Variants in WDR59 observed in about 807,000 individuals in gnomAD.
WDR59 encodes WD repeat domain 59.
A neutral mutation model predicts 131.2 loss-of-function variants in WDR59; 100 were observed. The observed-to-expected ratio is 0.76, with a 90% CI of 0.65 to 0.90. The LOEUF is 0.90. WDR59 is among the 40% of genes least tolerant of loss of function. WDR59 has a pLI of 0.00. For synonymous variants in WDR59, 601 were observed against 466.2 expected (o/e 1.29, Z -3.72); for missense variants, 1,203 against 1,262.2 (o/e 0.95, Z 0.71).
chr16:74,908,673 G>T, intron 17 of WDR59: 1 of 399,670 alleles, frequency 2.5e-6, no homozygotes, highest in Non-Finnish European at 4.4e-6. Flanking sequence ...GCCTTGTTTT[G>T]ACAATAGCTT....
intron 7 of WDR59, among the ~76,000 whole-genome samples, chr16:74,939,530 C>A (rs2032060797): frequency 6.6e-6 from 1 of 150,566 alleles, no homozygotes; most frequent in South Asian, 2.1e-4. Context: ...GTACACAGTA[C>A]GACAAACTAA....
chr16:74,908,818 G>A, intron 17 of WDR59, 90 bp downstream of exon 17: 2 of 1,065,100 alleles, frequency 1.9e-6, no homozygotes, highest in East Asian at 2.4e-5. Context: ...GAAATGCACT[G>A]TCCAAAAGCA....
chr16:74,926,622 A>G (rs947722493), intron 8 of WDR59, among the ~76,000 whole-genome samples: 1 of 152,202 alleles, frequency 6.6e-6, no homozygotes, highest in African/African-American at 2.4e-5. Flanking sequence ...GAGACTTAAT[A>G]AAGTATAGGG....
chr16:74,907,860 A>G (rs1414455510), intron 17 of WDR59, among the ~76,000 whole-genome samples: 1 of 152,206 alleles, frequency 6.6e-6, no homozygotes, highest in Non-Finnish European at 1.5e-5. Context: ...GGTAAGTGCT[A>G]TGATGATCCC....
rs1315493069 is a variant in WDR59 at position 74,984,148 on chromosome 16, G to A, written c.54+816C>T. On this transcript the variant is annotated intron_variant, in intron 1 of 25. Transcript: ENST00000262144. ...AAAAATTAGCCGGGCGTGGTGGTGC[G>A]CACCTGTAATCCCAGCTACTTGGGA... Among the ~76,000 whole-genome samples, 8 of 151,946 alleles carry A rather than the reference G, an allele frequency of 5.3e-5. No individual in the cohort carries two copies. The East Asian group carries it at 7.7e-4, about 15-fold the overall frequency.
intron 8 of WDR59, among the ~76,000 whole-genome samples, chr16:74,925,214 G>A (rs937934996): frequency 2.6e-5 from 4 of 152,022 alleles, no homozygotes; most frequent in Non-Finnish European, 4.4e-5. Flanking sequence ...AAGGCATTAC[G>A]TTGAATGAAA....
In WDR59 at chr16:74,912,238, G is replaced by T. The variant is rs773556107; in HGVS notation, c.1349C>A (p.Pro450His). The change falls in exon 14 of 26, where the codon CCC (proline) becomes CAC (histidine). Residue 450 changes from proline (P) to histidine (H), a missense_variant. Coordinates refer to ENST00000262144, the MANE Select transcript of WDR59 (RefSeq NM_030581.4). ...TTTCATGGTGGATGTGATGGTTGTG[G>T]GGTTAATAAACTGGAAGGAAGGGGC... ...NAAPSFQFIN[P>H]TTITSTMKAK... The T allele has an allele frequency of 6.2e-7, 1 of 1,614,154 alleles. No homozygotes were observed. Among genetic ancestry groups the T allele is most frequent in the Non-Finnish European group, 8.5e-7 (1 of 1,180,034 alleles).
intron 6 of WDR59, among the ~76,000 whole-genome samples, chr16:74,946,581 G>A (rs2032654269): frequency 1.3e-5 from 2 of 152,030 alleles, no homozygotes; most frequent in Admixed American, 1.3e-4. Flanking sequence ...AATTAGCTGG[G>A]TGTGGTGGTG....
intron 1 of WDR59, among the ~76,000 whole-genome samples, chr16:74,983,152 G>A (rs1266639529): frequency 6.6e-6 from 1 of 152,132 alleles, no homozygotes; most frequent in East Asian, 1.9e-4. Flanking sequence ...AGACCAGCCT[G>A]GGCAACACAA....
intron 2 of WDR59, among the ~76,000 whole-genome samples, chr16:74,961,288 G>A (rs2033555897): frequency 6.6e-6 from 1 of 152,036 alleles, no homozygotes; most frequent in South Asian, 2.1e-4. Flanking sequence ...GCAACAGAGT[G>A]AAACCTTGTC....
intron 25 of WDR59, among the ~76,000 whole-genome samples, chr16:74,875,248 G>T (rs561127918): frequency 6.6e-6 from 1 of 152,324 alleles, no homozygotes; most frequent in East Asian, 1.9e-4. Flanking sequence ...AGTAAAACCT[G>T]CTCTATCTAC....
chr16:74,914,778 T>C (rs550715993), intron 13 of WDR59, among the ~76,000 whole-genome samples: 1 of 151,984 alleles, frequency 6.6e-6, no homozygotes, highest in Admixed American at 6.6e-5. Context: ...ATTTTTAGTA[T>C]AGACGGGGTT....
At position 74,917,994 on chromosome 16, in the gene WDR59, G is replaced by T; in HGVS notation, c.901C>A (p.Gln301Lys). Residue 301 changes from glutamine to lysine, a missense_variant, in exon 11 of 26, where the codon CAA becomes AAA. By Grantham distance (53) the Gln-to-Lys change is moderately conservative (BLOSUM62 1). Transcript: ENST00000262144. The part of the protein sequence containing the change: ...RKQKEGSKDY[Q>K]LVTWSRDQTL... ...TGATCCCGGGACCACGTCACCAGTTGATAGTCCTTGGACCCTAGAAATCAC... is the reference window on the plus strand; with the variant it reads ...TGATCCCGGGACCACGTCACCAGTTTATAGTCCTTGGACCCTAGAAATCAC... The T allele has an allele frequency of 6.2e-7, 1 of 1,613,794 alleles. No homozygotes were observed. Among genetic ancestry groups the T allele is most frequent in the Non-Finnish European group, 8.5e-7 (1 of 1,179,882 alleles).
chr16:74,941,883 G>A (rs1049726841), intron 7 of WDR59, among the ~76,000 whole-genome samples: 1 of 152,134 alleles, frequency 6.6e-6, no homozygotes, highest in Non-Finnish European at 1.5e-5. Flanking sequence ...AACGTATGGA[G>A]GGAAGGGAGC....
At chr16:74,977,983 G>A (rs988482044) in intron 1 of WDR59, among the ~76,000 whole-genome samples, 1 of 152,270 alleles carries the variant, frequency 6.6e-6, no homozygotes, top group South Asian at 2.1e-4. Flanking sequence ...CAAGGTGGGA[G>A]GGCTGTGTGA....
chr16:74,964,454 C>G (rs114060356), intron 2 of WDR59, among the ~76,000 whole-genome samples: 159 of 151,372 alleles, frequency 1.1e-3, no homozygotes, highest in African/African-American at 3.8e-3. Context: ...CCCAGTATGA[C>G]ACACAAAAAA....
intron 1 of WDR59, among the ~76,000 whole-genome samples, chr16:74,978,175 T>G (rs2034263165): frequency 6.6e-6 from 1 of 152,018 alleles, no homozygotes; most frequent in Non-Finnish European, 1.5e-5. Context: ...CAAAGATGGT[T>G]AGCCAGGCGT....
chr16:74,923,991 G>A lies in WDR59; in HGVS notation c.664C>T (p.Arg222Cys), dbSNP rs376456550. ...QDNSVKFWDY[R>C]QPRKYLNILP... ...ATATTGAGGTATTTCCGAGGCTGGC[G>A]GTAATCCCAGAACTAGAAGAGAGCA... The change falls in exon 9 of 26, where the codon CGC becomes TGC. Residue 222 changes from arginine to cysteine, a missense_variant. Coordinates refer to ENST00000262144, the MANE Select transcript of WDR59 (RefSeq NM_030581.4). 1.2e-6 allele frequency: 2 copies of A among 1,613,298 alleles called. No homozygotes were observed. The highest frequency in any genetic ancestry group is 1.7e-6 in the Non-Finnish European group (2 of 1,179,904).
chr16:74,964,098 G>A (rs2033669512), intron 2 of WDR59, among the ~76,000 whole-genome samples: 1 of 152,006 alleles, frequency 6.6e-6, no homozygotes, highest in Admixed American at 6.6e-5. Flanking sequence ...GTAAAAATGT[G>A]TGCCAAGCAC....
Sources: gnomAD v4.1 joint callset for allele counts (sites outside exome capture counted in the v4.1 genomes callset) on GRCh38, gnomAD v4.1.1 for gene constraint, MANE v1.5 for transcripts, NCBI Gene and HGNC (gene_info 2026-07-23, HGNC 2026-07-21) for gene names.